USH2A: variants seen among roughly 807,000 people sequenced by gnomAD.
USH2A encodes the protein Usher syndrome 2A (autosomal recessive, mild).
A neutral mutation model predicts 538.9 loss-of-function variants in USH2A; 443 were observed. The observed-to-expected ratio is 0.82, with a 90% CI of 0.76 to 0.89. USH2A has a LOEUF of 0.89. USH2A is among the 40% of genes least tolerant of loss of function. USH2A has a pLI of 0.00. For missense variants in USH2A, 6,633 were observed against 6,324.8 expected, an observed-to-expected ratio of 1.05 and a Z score of -1.65; for synonymous variants, 2,413 against 2,273.5, an observed-to-expected ratio of 1.06 and a Z score of -1.75.
At chr1:216,193,336 T>C (rs2034761476) in intron 19 of USH2A, among the ~76,000 whole-genome samples, 1 of 152,108 alleles carries the variant, frequency 6.6e-6, no homozygotes, top group African/African-American at 2.4e-5. Flanking sequence ...CATCATGAGA[T>C]AATTGCAAAT....
chr1:216,305,444 T>C (rs762154741), intron 9 of USH2A, among the ~76,000 whole-genome samples: 3 of 152,306 alleles, frequency 2.0e-5, no homozygotes, highest in Non-Finnish European at 4.4e-5. Flanking sequence ...AGATACTTGC[T>C]TGGTGAGTTC....
intron 9 of USH2A, among the ~76,000 whole-genome samples, chr1:216,300,942 G>T (rs2037203812): frequency 6.6e-6 from 1 of 151,496 alleles, no homozygotes; most frequent in African/African-American, 2.4e-5. Flanking sequence ...TAGAGACAGG[G>T]TTTCACCTTG....
chr1:215,674,184 T>A lies in USH2A; in HGVS notation c.13727A>T (p.Glu4576Val). The A allele has an allele frequency of 6.2e-7, 1 of 1,614,138 alleles. No individual in the cohort carries two copies. Residue 4576 changes from glutamate (E) to valine (V), a missense_variant, in exon 63 of 72, where the codon GAA (glutamate) becomes GTA (valine). Transcript: ENST00000307340. ...TLFIRELFER[E>V]TKIIHINTTH... ...TGTGTTTATGTGTATGATTTTAGTT[T>A]CTCTTTCAAATAGTTCACGGATGAA...
chr1:216,163,429 A>G (rs1296934830), intron 21 of USH2A, among the ~76,000 whole-genome samples: 1 of 151,992 alleles, frequency 6.6e-6, no homozygotes, highest in African/African-American at 2.4e-5. Flanking sequence ...ATGCAAATAC[A>G]TATTTCCATA....
chr1:216,015,695 T>C lies in USH2A; in HGVS notation c.6326-15133A>G, dbSNP rs563947896. Among the ~76,000 whole-genome samples, 5 of 152,326 alleles carry C rather than the reference T, an allele frequency of 3.3e-5. No homozygotes were observed. In the South Asian group the frequency reaches 1.0e-3, roughly 32 times the overall value. On this transcript the variant is annotated intron_variant, in intron 32 of 71. Coordinates refer to ENST00000307340, the MANE Select transcript of USH2A (RefSeq NM_206933.4). ...CCAGCACCTTCTGTTTTCTGACTTT[T>C]TAATGATCGCCATGCTAACTGGTGT...
At position 216,361,358 on chromosome 1, in the gene USH2A, T is replaced by C. The variant is rs193191111; in HGVS notation, c.784+3595A>G. 5.4e-4 allele frequency among the ~76,000 whole-genome samples: 82 copies of C among 152,194 alleles called. No homozygotes were observed. In the East Asian group the frequency reaches 0.014, roughly 25 times the overall value. On this transcript the variant is annotated intron_variant, in intron 4 of 71. Transcript: ENST00000307340. ...GTGATATCAGGGTTTGCAAAAATAG[T>C]CTAAACAGAACACAAAAAGTATTAA... is the stretch of plus-strand genomic sequence containing the variant.
At position 216,166,872 on chromosome 1, in the gene USH2A, T is replaced by C. The variant is rs1425280783; in HGVS notation, c.4627+8380A>G. Among the ~76,000 whole-genome samples, 3 of 152,152 alleles carry C rather than the reference T, an allele frequency of 2.0e-5. No individual in the cohort carries two copies. The East Asian group carries it at 5.8e-4, about 29-fold the overall frequency. On this transcript the variant is annotated intron_variant, in intron 21 of 71. Transcript: ENST00000307340. ...ACACATTTCCCTTAAGTCCTTATTC[T>C]TCCTTTATGATATTCCCCAAGGATG... is the stretch of plus-strand genomic sequence containing the variant.
intron 61 of USH2A, among the ~76,000 whole-genome samples, chr1:215,713,256 C>T (rs986350263): frequency 7.9e-5 from 12 of 152,114 alleles, no homozygotes; most frequent in Non-Finnish European, 1.8e-4. Flanking sequence ...TACTGAGTGC[C>T]GTCTCAGTTC....
At chr1:216,320,992 C>T (rs2037596603) in intron 9 of USH2A, among the ~76,000 whole-genome samples, 1 of 151,962 alleles carries the variant, frequency 6.6e-6, no homozygotes, top group Non-Finnish European at 1.5e-5. Context: ...ATTTCATTTG[C>T]TTAGCTGATA....
intron 30 of USH2A, among the ~76,000 whole-genome samples, chr1:216,069,104 G>C (rs2031475178): frequency 6.6e-6 from 1 of 152,122 alleles, no homozygotes; most frequent in Non-Finnish European, 1.5e-5. Flanking sequence ...TGAAAGTGGG[G>C]TTGAGCATTT....
At chr1:215,736,674 A>T (rs1233786038) in intron 60 of USH2A, among the ~76,000 whole-genome samples, 1 of 152,026 alleles carries the variant, frequency 6.6e-6, no homozygotes, top group Admixed American at 6.6e-5. Flanking sequence ...CAGTAGAAAA[A>T]ATTAGTCTAA....
At chr1:216,356,787 G>A (rs1050954336) in intron 4 of USH2A, among the ~76,000 whole-genome samples, 4 of 152,034 alleles carry the variant, frequency 2.6e-5, no homozygotes, top group African/African-American at 7.2e-5. Flanking sequence ...TTTTGAGTAT[G>A]TATTTAAGTC....
intron 37 of USH2A, among the ~76,000 whole-genome samples, chr1:215,938,592 C>A (rs745531344): frequency 6.6e-6 from 1 of 152,076 alleles, no homozygotes; most frequent in African/African-American, 2.4e-5. Context: ...CTATCGCAGG[C>A]GACCATTCCT....
At chr1:215,837,503 C>T (rs774860648) in intron 47 of USH2A, among the ~76,000 whole-genome samples, 1 of 151,848 alleles carries the variant, frequency 6.6e-6, no homozygotes, top group Non-Finnish European at 1.5e-5. Flanking sequence ...TTCTCAGCAA[C>T]AAAAGAATAA....
chr1:215,861,870 TC>T (rs1335439881), intron 44 of USH2A, among the ~76,000 whole-genome samples: 3 of 136,024 alleles, frequency 2.2e-5, no homozygotes, highest in Non-Finnish European at 4.6e-5. Flanking sequence ...AGACAGAGTC[TC>T]ACTCTGTCAC....
chr1:215,644,336 G>A (rs1656781228), intron 67 of USH2A, among the ~76,000 whole-genome samples: 1 of 152,168 alleles, frequency 6.6e-6, no homozygotes, highest in South Asian at 2.1e-4. Context: ...TGAGGAATCT[G>A]GGTGGAGGGG....
At chr1:215,772,129 A>G (rs188803028) in intron 55 of USH2A, among the ~76,000 whole-genome samples, 32 of 152,312 alleles carry the variant, frequency 2.1e-4, no homozygotes, top group African/African-American at 7.5e-4. Context: ...GTAAGCCTCT[A>G]TCGGTAGTCC....
chr1:215,728,050 C>T lies in USH2A; in HGVS notation c.12046G>A (p.Val4016Met), dbSNP rs138803855. 1.5e-4 allele frequency: 235 copies of T among 1,614,130 alleles called. No individual in the cohort carries two copies. In the African/African-American group the frequency reaches 2.6e-3, roughly 18 times the overall value. ...PDDPTFNSPTVHAFTVKGTSH... is the reference protein window; with the variant it reads ...PDDPTFNSPTMHAFTVKGTSH... ...CTTACCTTCACTGTGAAAGCATGCA[C>T]GGTAGGGCTGTTAAATGTAGGATCG... is the stretch of plus-strand genomic sequence containing the variant. Residue 4016 changes from valine (V) to methionine (M), a missense_variant, in exon 61 of 72, where the codon GTG (valine) becomes ATG (methionine). By Grantham distance (21) the Val-to-Met change is conservative (BLOSUM62 1). Transcript: ENST00000307340.
At chr1:216,197,244 G>C (rs567682183) in intron 18 of USH2A, among the ~76,000 whole-genome samples, 1 of 152,076 alleles carries the variant, frequency 6.6e-6, no homozygotes, top group Non-Finnish European at 1.5e-5. Flanking sequence ...TTCTTGAAAT[G>C]TTCAGGTTAC....
Sources: allele counts gnomAD v4.1 joint callset (sites outside exome capture counted in the v4.1 genomes callset), GRCh38; gene constraint gnomAD v4.1.1; transcripts MANE v1.5; gene names NCBI Gene and HGNC (gene_info 2026-07-23, HGNC 2026-07-21).